C1orf115: variants seen among roughly 807,000 people sequenced by gnomAD.
The protein encoded by C1orf115 is required for drug-induced death protein 1.
In C1orf115, 14 loss-of-function variants were observed where a neutral mutation model predicts 12.5. The observed-to-expected ratio is 1.12, with a 90% CI of 0.74 to 1.75. The LOEUF is 1.75. Ranked by LOEUF, C1orf115 falls within the 40% of genes most tolerant of loss-of-function variation. The pLI, the probability that C1orf115 is intolerant of heterozygous loss-of-function variation, is 0.00. For synonymous variants in C1orf115, 109 were observed against 104.6 expected (o/e 1.04, Z -0.26); for missense variants, 237 against 220.8 (o/e 1.07, Z -0.46).
In C1orf115 at chr1:220,699,079, A is replaced by T. The variant is rs1670234089; in HGVS notation, c.*2348A>T. 1 of 151,732 alleles carries T rather than the reference A, an allele frequency of 6.6e-6. No individual in the cohort carries two copies. Among genetic ancestry groups the T allele is most frequent in the Non-Finnish European group, 1.5e-5 (1 of 67,960 alleles). 9.4% of individuals were successfully genotyped at this position (151,732 alleles called of 1,614,324 possible). A position where few individuals can be genotyped will look rare whatever the true frequency, so the allele number is the denominator to read the frequency against. On this transcript the variant is annotated 3_prime_UTR_variant, in exon 2 of 2. Coordinates refer to ENST00000294889, the MANE Select transcript of C1orf115 (RefSeq NM_024709.5). ...TATTGAGTTTTAGAGCTTTCGCTTGATGTGCTTGACCAAGAGACTTCTTTT... is the reference window on the plus strand; with the variant it reads ...TATTGAGTTTTAGAGCTTTCGCTTGTTGTGCTTGACCAAGAGACTTCTTTT...
chr1:220,692,682 G>T (rs554896242), intron 1 of C1orf115, among the ~76,000 whole-genome samples: 1 of 152,300 alleles, frequency 6.6e-6, no homozygotes, highest in Non-Finnish European at 1.5e-5. Flanking sequence ...TGGGTAATGT[G>T]TTTTTTCCTG....
chr1:220,696,051 AGG>A (rs1670189744), intron 1 of C1orf115, among the ~76,000 whole-genome samples: 1 of 152,210 alleles, frequency 6.6e-6, no homozygotes, highest in South Asian at 2.1e-4. Context: ...CCTGACCATC[AGG>A]GAGCTTATAA....
Position 220,696,897 on chromosome 1 carries a change from A to G in C1orf115, c.*166A>G, listed in dbSNP as rs1670203907. The G allele has an allele frequency of 3.6e-6, 3 of 837,784 alleles. No homozygotes were observed. Among genetic ancestry groups the G allele is most frequent in the Admixed American group, 3.3e-5 (1 of 30,598 alleles). 51.9% of individuals were successfully genotyped at this position (837,784 alleles called of 1,614,324 possible). Reference sequence around the variant, plus strand: ...TATGATGAGTGAGTCATCCCTGCCCATCTGCTGAGCTTCTCACATCTCTCA... The same window carrying G: ...TATGATGAGTGAGTCATCCCTGCCCGTCTGCTGAGCTTCTCACATCTCTCA... On this transcript the variant is annotated 3_prime_UTR_variant, in exon 2 of 2. Transcript: ENST00000294889.
intron 1 of C1orf115, among the ~76,000 whole-genome samples, chr1:220,695,496 T>C (rs1254596980): frequency 7.6e-6 from 1 of 132,142 alleles, no homozygotes; most frequent in African/African-American, 2.8e-5. Context: ...ATGTCTGGGT[T>C]TTTTTTTTTT....
rs1307947598 is a variant in C1orf115 at position 220,690,469 on chromosome 1, C to G, written c.67C>G (p.Arg23Gly). 1 of 1,442,696 alleles carries G rather than the reference C, an allele frequency of 6.9e-7. No homozygotes were observed. The highest frequency in any genetic ancestry group is 1.5e-5 in the African/African-American group (1 of 66,576). The allele number at this position is 1,442,696 out of a possible 1,614,324, so 89.4% of individuals were successfully genotyped here. A position where few individuals can be genotyped will look rare whatever the true frequency, so the allele number is the denominator to read the frequency against. Residue 23 changes from arginine (R) to glycine (G), a missense_variant, in exon 1 of 2, where the codon CGA (arginine) becomes GGA (glycine). Transcript: ENST00000294889. ...SSLLRRGPRGRGRTEGDEEAA... is the reference protein window; with the variant it reads ...SSLLRRGPRGGGRTEGDEEAA... Reference sequence around the variant, plus strand: ...CCTCCTGCGCCGCGGGCCCCGAGGGCGAGGGCGAACCGAGGGGGACGAGGA... The same window carrying G: ...CCTCCTGCGCCGCGGGCCCCGAGGGGGAGGGCGAACCGAGGGGGACGAGGA...
intron 1 of C1orf115, among the ~76,000 whole-genome samples, chr1:220,696,097 G>A (rs1339684121): frequency 2.6e-5 from 4 of 152,112 alleles, no homozygotes; most frequent in Non-Finnish European, 5.9e-5. Flanking sequence ...CATAGATATA[G>A]CAATTAGAAA....
chr1:220,695,027 G>A (rs1670169973), intron 1 of C1orf115, among the ~76,000 whole-genome samples: 1 of 152,208 alleles, frequency 6.6e-6, no homozygotes, highest in Non-Finnish European at 1.5e-5. Flanking sequence ...TATGTCAAAA[G>A]CTGCTGAGAG....
Position 220,696,643 on chromosome 1 carries a change from G to A in C1orf115, c.341G>A (p.Arg114His), listed in dbSNP as rs139711441. ...GGGAAGGTCATCATCAAAGGATGCC[G>A]CTACGTGGTCATCGGCCTGCAAGGC... ...NVGKVIIKGC[R>H]YVVIGLQGFA... Residue 114 changes from arginine to histidine, a missense_variant, in exon 2 of 2, where the codon CGC (arginine) becomes CAC (histidine). By Grantham distance (29) the Arg-to-His change is conservative (BLOSUM62 0). Coordinates refer to ENST00000294889, the MANE Select transcript of C1orf115 (RefSeq NM_024709.5). The A allele has an allele frequency of 9.7e-5, 155 of 1,598,700 alleles. No individual in the cohort carries two copies. Among genetic ancestry groups the A allele is most frequent in the Non-Finnish European group, 1.2e-4 (145 of 1,167,438 alleles).
intron 1 of C1orf115, among the ~76,000 whole-genome samples, chr1:220,695,386 G>T (rs1382502510): frequency 6.6e-6 from 1 of 151,984 alleles, no homozygotes; most frequent in Non-Finnish European, 1.5e-5. Context: ...GGGGGAAGAA[G>T]ACCACTTTCT....
At chr1:220,696,154 A>G in intron 1 of C1orf115, among the ~76,000 whole-genome samples, 1 of 152,206 alleles carries the variant, frequency 6.6e-6, no homozygotes, top group East Asian at 1.9e-4. Context: ...AGACAGAAAT[A>G]TGCCATTGAG....
chr1:220,695,417 C>T lies in C1orf115; in HGVS notation c.310-1195C>T, dbSNP rs563610947. On this transcript the variant is annotated intron_variant, in intron 1 of 1. Transcript: ENST00000294889. ...TTTCTCCACCGTAACACAGGCAATG[C>T]GGGAGAAGCCAGGGGCAGCCACAGG... Among the ~76,000 whole-genome samples the T allele has an allele frequency of 4.0e-4, 59 of 149,092 alleles. No individual in the cohort carries two copies. The South Asian group carries it at 4.1e-3, about 10-fold the overall frequency.
rs1473340856 is a variant in C1orf115, at chr1:220,690,390, G to A, written c.-13G>A. The stretch of plus-strand genomic sequence containing the variant: ...CTTTGCGCTCGGACCTTCGCCAGAG[G>A]GGCCGGGACATCATGACGGTGGGAG... On this transcript the variant is annotated 5_prime_UTR_variant, in exon 1 of 2. Transcript: ENST00000294889. 3 of 1,397,278 alleles carry A rather than the reference G, an allele frequency of 2.1e-6. No homozygotes were observed. Among genetic ancestry groups the A allele is most frequent in the East Asian group, 3.0e-5 (1 of 33,092 alleles). The allele number at this position is 1,397,278 out of a possible 1,614,324, so 86.6% of individuals were successfully genotyped here.
intron 1 of C1orf115, 84 bp from the exon 2 acceptor site, chr1:220,696,528 A>G: frequency 7.0e-7 from 1 of 1,420,920 alleles, no homozygotes; most frequent in East Asian, 2.3e-5. Flanking sequence ...TGTCGCCGTG[A>G]CTCATTTTTT....
At chr1:220,696,494 A>C (rs1670194816) in intron 1 of C1orf115, 118 bp from the exon 2 acceptor site, 5 of 1,224,950 alleles carry the variant, frequency 4.1e-6, no homozygotes, top group Non-Finnish European at 5.6e-6. Context: ...TCACAAGAGA[A>C]TCAGGAAAAA....
In C1orf115 at chr1:220,697,894, G is replaced by A. The variant is rs2102519000; in HGVS notation, c.*1163G>A. 6.5e-6 allele frequency: 1 copy of A among 153,064 alleles called. No individual in the cohort carries two copies. The highest frequency in any genetic ancestry group is 6.5e-5 in the Admixed American group (1 of 15,298). 9.5% of individuals were successfully genotyped at this position (153,064 alleles called of 1,614,324 possible). Reference sequence around the variant, plus strand: ...AGGGACAAGGGAGGCTGGGTAGCCAGGGCTGGTGCTTAAAACCCCTGAGGC... The same window carrying A: ...AGGGACAAGGGAGGCTGGGTAGCCAAGGCTGGTGCTTAAAACCCCTGAGGC... On this transcript the variant is annotated 3_prime_UTR_variant, in exon 2 of 2. Coordinates refer to ENST00000294889, the MANE Select transcript of C1orf115 (RefSeq NM_024709.5). The surrounding 1 kb of genome is among the most constrained non-coding windows in gnomAD (Gnocchi z 4.5).
At chr1:220,695,494 G>GTTTTTTT (rs10602094) in intron 1 of C1orf115, among the ~76,000 whole-genome samples, 2 of 116,390 alleles carry the variant, frequency 1.7e-5, no homozygotes, top group African/African-American at 3.4e-5. Flanking sequence ...CGATGTCTGG[G>GTTTTTTT]TTTTTTTTTT....
At chr1:220,693,885 A>C (rs1178880497) in intron 1 of C1orf115, among the ~76,000 whole-genome samples, 1 of 152,006 alleles carries the variant, frequency 6.6e-6, no homozygotes, top group Non-Finnish European at 1.5e-5. Context: ...TGGAAACCAG[A>C]CTGACGAACA....
At position 220,696,846 on chromosome 1, in the gene C1orf115, T is replaced by C; in HGVS notation, c.*115T>C. The C allele has an allele frequency of 7.5e-7, 1 of 1,329,944 alleles. No homozygotes were observed. Among genetic ancestry groups the C allele is most frequent in the South Asian group, 1.7e-5 (1 of 58,338 alleles). 82.4% of individuals were successfully genotyped at this position (1,329,944 alleles called of 1,614,324 possible). On this transcript the variant is annotated 3_prime_UTR_variant, in exon 2 of 2. Transcript: ENST00000294889. ...CACAGCATATTTGGAAGAGAAAACA[T>C]GCCTTTCTTTGTTGAATCACATTAG...
chr1:220,696,726 C>G lies in C1orf115; in HGVS notation c.424C>G (p.Arg142Gly). The G allele has an allele frequency of 6.3e-7, 1 of 1,587,082 alleles. No homozygotes were observed. Among genetic ancestry groups the G allele is most frequent in the Non-Finnish European group, 8.6e-7 (1 of 1,158,074 alleles). ...AGCCACCAGCGTGGTATCCTTCGTG[C>G]GCTAATGGGAGCTGCTGTGGCAGGT... is the stretch of plus-strand genomic sequence containing the variant. ...AVATSVVSFV[R>G] is the part of the protein sequence containing the mutation. The change falls in exon 2 of 2, where the codon CGC (arginine) becomes GGC (glycine). Residue 142 changes from arginine to glycine, a missense_variant. Arg to Gly is a moderately radical substitution (Grantham distance 125, BLOSUM62 -2). Coordinates refer to ENST00000294889, the MANE Select transcript of C1orf115 (RefSeq NM_024709.5).
Sources: gnomAD v4.1 joint callset for allele counts (sites outside exome capture counted in the v4.1 genomes callset) on GRCh38, gnomAD v4.1.1 for gene constraint, Gnocchi (gnomAD v3.1) non-coding constraint, MANE v1.5 for transcripts, NCBI Gene and HGNC (gene_info 2026-07-23, HGNC 2026-07-21) for gene names.